The following KAZN variants were observed in gnomAD, a reference collection of about 807,000 sequenced individuals.
The protein encoded by KAZN is kazrin, periplakin interacting protein, also known as kazrin.
Under a neutral mutation model 87.4 loss-of-function variants are expected in KAZN, and 40 were observed. That is an observed-to-expected ratio of 0.46 (90% confidence interval 0.36 to 0.60). The LOEUF (loss-of-function observed/expected upper bound fraction) is 0.60. Ranked by LOEUF, KAZN falls within the 20% of genes least tolerant of loss-of-function variation. The pLI is 0.00. For missense variants in KAZN, 898 were observed against 1,073.9 expected (o/e 0.84, Z 2.29); for synonymous variants, 466 against 458.3 (o/e 1.02, Z -0.22).
At position 15,099,072 on chromosome 1, in the gene KAZN, C is replaced by T. The variant is rs1290225094; in HGVS notation, c.1548-2471C>T. ...GACATCTTGGAAGGCTTCCGGGAGA[C>T]CAGACGTCTCTGCAGAGTCCATAGG... On this transcript the variant is annotated intron_variant, in intron 10 of 14. Transcript: ENST00000376030. The surrounding 1 kb of genome is among the most constrained non-coding windows in gnomAD (Gnocchi z 5.4). Among the ~76,000 whole-genome samples, 2 of 152,144 alleles carry T rather than the reference C, an allele frequency of 1.3e-5. No individual in the cohort carries two copies.
intron 2 of KAZN, among the ~76,000 whole-genome samples, chr1:14,514,924 C>T (rs896565317): frequency 1.3e-5 from 2 of 152,112 alleles, no homozygotes; most frequent in African/African-American, 4.8e-5. Flanking sequence ...CCGTGGCTCA[C>T]AGTGTGAGCT....
At chr1:14,578,140 A>G (rs1401479911) in intron 2 of KAZN, among the ~76,000 whole-genome samples, 1 of 152,166 alleles carries the variant, frequency 6.6e-6, no homozygotes, top group Non-Finnish European at 1.5e-5. Context: ...GTTTGCTATT[A>G]TTCGTATAGA....
rs75318921 is a variant in KAZN at position 14,045,855 on chromosome 1, T to G, written c.92-134580T>G. 2.6e-3 allele frequency among the ~76,000 whole-genome samples: 392 copies of G among 152,326 alleles called. 3 individuals carry two copies. The highest frequency in any genetic ancestry group is 9.2e-3 in the African/African-American group (381 of 41,562). ...TAAACATTCCACAATGGATAACCAT[T>G]ACTCCTGTACTACCACTACAGCTAC... On this transcript the variant is annotated intron_variant, in intron 1 of 16. Coordinates refer to the KAZN transcript ENST00000636203.
At chr1:14,360,895 C>T (rs912012691) in intron 2 of KAZN, among the ~76,000 whole-genome samples, 2 of 152,206 alleles carry the variant, frequency 1.3e-5, no homozygotes, top group African/African-American at 4.8e-5. Context: ...GGATGTATCT[C>T]CCAGTCAGGA....
In KAZN at chr1:14,783,914, G is replaced by C. The variant is rs115453856; in HGVS notation, c.227-176770G>C. On this transcript the variant is annotated intron_variant, in intron 1 of 14. Transcript: ENST00000376030. The stretch of plus-strand genomic sequence containing the variant: ...TAGAGGTTATGAGGACCAAACTGGA[G>C]AGGCGAGGAGAGACTGTGCCAAAAG... 3.8e-3 allele frequency among the ~76,000 whole-genome samples: 583 copies of C among 152,282 alleles called. 3 individuals carry two copies. Among genetic ancestry groups the C allele is most frequent in the Admixed American group, 6.1e-3 (93 of 15,302 alleles).
intron 1 of KAZN, among the ~76,000 whole-genome samples, chr1:14,854,293 G>A (rs1488844314): frequency 2.0e-5 from 3 of 152,218 alleles, no homozygotes; most frequent in South Asian, 2.1e-4. Context: ...TGAGTGCCTC[G>A]TGTTTTATGG....
In KAZN at chr1:15,112,541, G is replaced by T. The variant is rs749596829; in HGVS notation, c.2163G>T (p.Arg721=). Residue 721 remains arginine (R), a splice_region_variant and synonymous_variant, in exon 14 of 15, where the codon CGG becomes CGT. Transcript: ENST00000376030. ...NSSGLKYKAG[R]LPLGKIGRGF... Reference sequence around the variant, plus strand: ...GCGGTCTCAAGTACAAGGCTGGCCGGGTAAGTCTCTCAATGGATTTACCTG... The same window carrying T: ...GCGGTCTCAAGTACAAGGCTGGCCGTGTAAGTCTCTCAATGGATTTACCTG... The T allele has an allele frequency of 2.0e-5, 32 of 1,595,750 alleles. No homozygotes were observed. The highest frequency in any genetic ancestry group is 5.2e-5 in the Admixed American group (3 of 57,488).
Position 14,421,553 on chromosome 1 carries a change from A to G in KAZN, c.250-177430A>G, listed in dbSNP as rs148015861. Among the ~76,000 whole-genome samples, 511 of 152,304 alleles carry G rather than the reference A, an allele frequency of 3.4e-3. 2 individuals are homozygous for G. Among genetic ancestry groups the G allele is most frequent in the Non-Finnish European group, 4.2e-3 (287 of 68,026 alleles). On this transcript the variant is annotated intron_variant, in intron 2 of 16. Coordinates refer to the KAZN transcript ENST00000636203. ...CACATTAGGACAGTGGCAAACTGTG[A>G]TTCTGAGACATTGTGGGTTCAATAA...
At chr1:13,947,440 C>T (rs1279324347) in intron 1 of KAZN, among the ~76,000 whole-genome samples, 1 of 152,116 alleles carries the variant, frequency 6.6e-6, no homozygotes, top group Non-Finnish European at 1.5e-5. Context: ...CCTTCCTTGA[C>T]ACCTGGGCAT....
intron 2 of KAZN, among the ~76,000 whole-genome samples, chr1:14,547,413 T>A (rs1673224247): frequency 6.6e-6 from 1 of 152,214 alleles, no homozygotes; most frequent in South Asian, 2.1e-4. Context: ...CATAAAAAAC[T>A]GAATTCATCA....
intron 1 of KAZN, among the ~76,000 whole-genome samples, chr1:14,627,504 C>T (rs532073308): frequency 6.6e-6 from 1 of 152,108 alleles, no homozygotes; most frequent in Non-Finnish European, 1.5e-5. Flanking sequence ...TTAAAAGGCT[C>T]GCTCCTCACT....
chr1:14,283,962 G>A (rs1052218267), intron 2 of KAZN, among the ~76,000 whole-genome samples: 1 of 152,162 alleles, frequency 6.6e-6, no homozygotes, highest in Non-Finnish European at 1.5e-5. Context: ...CAATGTGGAT[G>A]AGCCTCGGAA....
intron 2 of KAZN, among the ~76,000 whole-genome samples, chr1:14,327,747 TATC>T (rs1479875627): frequency 1.3e-5 from 2 of 152,222 alleles, no homozygotes; most frequent in African/African-American, 4.8e-5. Context: ...GAGAATGGGC[TATC>T]ATCAGCCCCA....
At chr1:14,757,754 G>A (rs985914744) in intron 1 of KAZN, among the ~76,000 whole-genome samples, 2 of 152,190 alleles carry the variant, frequency 1.3e-5, no homozygotes, top group Admixed American at 6.5e-5. Flanking sequence ...ATGGGCTCAA[G>A]GATCTCTTCT....
intron 2 of KAZN, among the ~76,000 whole-genome samples, chr1:14,282,929 G>A (rs1652960606): frequency 6.6e-6 from 1 of 152,222 alleles, no homozygotes; most frequent in Admixed American, 6.5e-5. Flanking sequence ...AAGGAGTGGA[G>A]TGCTGTTTCT....
chr1:15,057,087 G>T (rs111628967), intron 5 of KAZN, among the ~76,000 whole-genome samples: 55 of 152,384 alleles, frequency 3.6e-4, no homozygotes, highest in African/African-American at 1.2e-3. Context: ...TGACCTACAA[G>T]GGCCTGGCAG....
chr1:14,082,496 T>C (rs1312253445), intron 1 of KAZN, among the ~76,000 whole-genome samples: 1 of 152,050 alleles, frequency 6.6e-6, no homozygotes, highest in Non-Finnish European at 1.5e-5. Context: ...TGCCCGGAGA[T>C]GCAAGTCAAC....
chr1:14,754,951 G>C (rs1285568999), intron 1 of KAZN, among the ~76,000 whole-genome samples: 1 of 152,000 alleles, frequency 6.6e-6, no homozygotes, highest in East Asian at 1.9e-4. Context: ...AGTGAAACAA[G>C]TCTCGCATGA....
chr1:15,031,577 G>GTTGTGTT (rs1314580536), intron 2 of KAZN, among the ~76,000 whole-genome samples: 1 of 152,000 alleles, frequency 6.6e-6, no homozygotes, highest in Admixed American at 6.6e-5. Context: ...GTTGTGTTGT[G>GTTGTGTT]TTGTGTTGTG....
Sources: allele counts gnomAD v4.1 joint callset (sites outside exome capture counted in the v4.1 genomes callset), GRCh38; gene constraint gnomAD v4.1.1; non-coding constraint Gnocchi (gnomAD v3.1); transcripts MANE v1.5; gene names NCBI Gene and HGNC (gene_info 2026-07-23, HGNC 2026-07-21).